RAP1GAP2: variants seen among roughly 807,000 people sequenced by gnomAD.
RAP1GAP2 encodes the protein RAP1 GTPase activating protein 2.
In RAP1GAP2, 27 loss-of-function variants were observed where a neutral mutation model predicts 95.0. The observed-to-expected ratio is 0.28, with a 90% CI of 0.21 to 0.39. The LOEUF is 0.39. RAP1GAP2 is among the 10% of genes least tolerant of loss of function. The pLI is 1.00. For synonymous variants in RAP1GAP2, 373 were observed against 380.9 expected, an observed-to-expected ratio of 0.98 and a Z score of 0.24; for missense variants, 771 against 970.0, an observed-to-expected ratio of 0.79 and a Z score of 2.72.
intron 3 of RAP1GAP2, among the ~76,000 whole-genome samples, chr17:2,920,343 G>A (rs374648353): frequency 2.0e-5 from 3 of 152,138 alleles, no homozygotes; most frequent in Non-Finnish European, 4.4e-5. Context: ...GGCATTCAGG[G>A]CGTCACCCAG....
At chr17:2,807,803 A>G (rs1211418245) in intron 2 of RAP1GAP2, among the ~76,000 whole-genome samples, 1 of 152,146 alleles carries the variant, frequency 6.6e-6, no homozygotes, top group Non-Finnish European at 1.5e-5. Context: ...GGGCTGGATC[A>G]AAGGGCTTAG....
intron 2 of RAP1GAP2, among the ~76,000 whole-genome samples, chr17:2,893,168 CA>C: frequency 6.6e-6 from 1 of 152,060 alleles, no homozygotes; most frequent in Non-Finnish European, 1.5e-5. Context: ...GCTGGGATTA[CA>C]GGCACCCGCC....
At chr17:2,769,511 C>T (rs201820083) in intron 1 of RAP1GAP2, among the ~76,000 whole-genome samples, 6 of 150,932 alleles carry the variant, frequency 4.0e-5, no homozygotes, top group African/African-American at 9.7e-5. Flanking sequence ...GCCGAGATCG[C>T]GCCACTGCAC....
At chr17:2,830,902 A>G (rs56114563) in intron 2 of RAP1GAP2, among the ~76,000 whole-genome samples, 41,986 of 144,842 alleles carry the variant, frequency 0.29, 6,824 homozygotes, top group Non-Finnish European at 0.38. Context: ...CTTTATTCAC[A>G]TGTAAGATGA....
chr17:3,026,874 C>A, intron 21 of RAP1GAP2, 70 bp from the exon 22 acceptor site: 2 of 1,503,622 alleles, frequency 1.3e-6, no homozygotes, highest in South Asian at 1.3e-5. Context: ...CTTTTGGGGG[C>A]TGCCTCAGGC....
chr17:2,770,027 C>T (rs1302877985), intron 1 of RAP1GAP2, among the ~76,000 whole-genome samples: 5 of 148,018 alleles, frequency 3.4e-5, no homozygotes, highest in Non-Finnish European at 7.4e-5. Context: ...GAGCCAAAAT[C>T]GCACCACTGC....
In RAP1GAP2 at chr17:2,898,733, C is replaced by T. The variant is rs546005248; in HGVS notation, c.81-6551C>T. On this transcript the variant is annotated intron_variant, in intron 2 of 24. Coordinates refer to ENST00000254695, the MANE Select transcript of RAP1GAP2 (RefSeq NM_015085.5). ...CCTCCTCCTCCGTGCCCATTCTTCC[C>T]GTTGATTTGAGCCTTGGCAACAAGG... Among the ~76,000 whole-genome samples, 347 of 152,300 alleles carry T rather than the reference C, an allele frequency of 2.3e-3. 1 individual carries two copies. The highest frequency in any genetic ancestry group is 6.8e-3 in the African/African-American group (281 of 41,568).
At chr17:2,912,296 G>A (rs1038205798) in intron 3 of RAP1GAP2, among the ~76,000 whole-genome samples, 12 of 151,826 alleles carry the variant, frequency 7.9e-5, no homozygotes, top group African/African-American at 2.9e-4. Context: ...CCTGGGGTTG[G>A]GGGGTGGTGT....
chr17:2,895,258 G>A (rs1181811776), intron 2 of RAP1GAP2, among the ~76,000 whole-genome samples: 1 of 152,118 alleles, frequency 6.6e-6, no homozygotes, highest in African/African-American at 2.4e-5. Flanking sequence ...GGGGGCCCGC[G>A]GGGAGGCAGG....
intron 2 of RAP1GAP2, among the ~76,000 whole-genome samples, chr17:2,883,058 G>A (rs1368779061): frequency 6.6e-6 from 1 of 152,214 alleles, no homozygotes; most frequent in Non-Finnish European, 1.5e-5. Context: ...CTGCGGGGTT[G>A]TCTTGGTCGG....
chr17:2,793,973 C>T (rs1014016569), upstream of RAP1GAP2, among the ~76,000 whole-genome samples: 6 of 151,424 alleles, frequency 4.0e-5, no homozygotes, highest in Admixed American at 1.3e-4. Context: ...TGGTGGCGGG[C>T]GCCTGTAAAC....
At position 3,036,868 on chromosome 17, in the gene RAP1GAP2, C is replaced by G. The variant is rs1410258676; in HGVS notation, c.*3507C>G. The G allele has an allele frequency of 2.0e-5, 3 of 152,728 alleles. No individual in the cohort carries two copies. Among genetic ancestry groups the G allele is most frequent in the Admixed American group, 1.3e-4 (2 of 15,296 alleles). The allele number at this position is 152,728 out of a possible 1,614,324, so 9.5% of individuals were successfully genotyped here. The stretch of plus-strand genomic sequence containing the variant: ...TGCCAGGTGCCAACTCAAACACTAC[C>G]TTTCTCATTGGTTTCTAAGTCAGTA... On this transcript the variant is annotated 3_prime_UTR_variant, in exon 25 of 25. Transcript: ENST00000254695.
chr17:2,772,875 TGAGACG>T (rs1245588101), upstream of RAP1GAP2, among the ~76,000 whole-genome samples: 5 of 147,900 alleles, frequency 3.4e-5, no homozygotes, highest in African/African-American at 1.3e-4. Flanking sequence ...TTTTTTTTTT[TGAGACG>T]GAGTTTTGCT....
rs2046573775 is a variant in RAP1GAP2, at chr17:3,012,267, A to G, written c.1494+4122A>G. On this transcript the variant is annotated intron_variant, in intron 17 of 24. Transcript: ENST00000254695. ...TCAGGAATCTGCTGGTTCTACAAAC[A>G]CTTCTAAAGTTTGCATTTTCACTTA... 1.3e-5 allele frequency among the ~76,000 whole-genome samples: 2 copies of G among 151,978 alleles called. 1 individual carries two copies. The highest frequency in any genetic ancestry group is 1.3e-4 in the Admixed American group (2 of 15,262).
At chr17:2,943,678 CA>C (rs59361947) in intron 3 of RAP1GAP2, among the ~76,000 whole-genome samples, 145,942 of 151,858 alleles carry the variant, frequency 0.96, 70,203 homozygotes, top group Non-Finnish European at 0.97. Context: ...AACAAACAAA[CA>C]AAAAAAAACA....
intron 3 of RAP1GAP2, among the ~76,000 whole-genome samples, chr17:2,915,088 CCTT>C (rs1021896490): frequency 7.2e-5 from 11 of 152,084 alleles, no homozygotes; most frequent in Admixed American, 2.0e-4. Context: ...CTGCGTCCGG[CCTT>C]CTTCTTTTTA....
intron 3 of RAP1GAP2, among the ~76,000 whole-genome samples, chr17:2,913,181 AAAAAAG>A (rs1370466208): frequency 6.8e-6 from 1 of 147,342 alleles, no homozygotes; most frequent in Non-Finnish European, 1.5e-5. Context: ...CTGTTTCAAA[AAAAAAG>A]AAAAAGAAAA....
chr17:2,892,177 A>G (rs1156684919), intron 2 of RAP1GAP2, among the ~76,000 whole-genome samples: 1 of 152,048 alleles, frequency 6.6e-6, no homozygotes, highest in Non-Finnish European at 1.5e-5. Context: ...CTCTGGTGTC[A>G]CTGAGAATTT....
chr17:2,763,939 G>A (rs962580626), intron 1 of RAP1GAP2, among the ~76,000 whole-genome samples: 5 of 152,012 alleles, frequency 3.3e-5, no homozygotes, highest in Admixed American at 2.6e-4. Flanking sequence ...GTGGGATCAA[G>A]GACAGCATGA....
Sources: gnomAD v4.1 joint callset for allele counts (sites outside exome capture counted in the v4.1 genomes callset) on GRCh38, gnomAD v4.1.1 for gene constraint, MANE v1.5 for transcripts, NCBI Gene and HGNC (gene_info 2026-07-23, HGNC 2026-07-21) for gene names.